The following KCNMA1 variants were observed in gnomAD, a reference collection of about 807,000 sequenced individuals.
KCNMA1 encodes the protein potassium calcium-activated channel subfamily M alpha 1, also known as Calcium-activated potassium channel subunit alpha-1.
Under a neutral mutation model 140.0 loss-of-function variants are expected in KCNMA1, and 29 were observed. That is an observed-to-expected ratio of 0.21 (90% CI 0.15 to 0.28). The LOEUF (loss-of-function observed/expected upper bound fraction) is 0.28, where lower values mean the gene tolerates loss of function less well. Ranked by LOEUF, KCNMA1 falls within the 10% of genes least tolerant of loss-of-function variation. The pLI is 1.00. For synonymous variants in KCNMA1, 612 were observed against 611.9 expected, an observed-to-expected ratio of 1.00 and a Z score of 0.00; for missense variants, 880 against 1,602.2, an observed-to-expected ratio of 0.55 and a Z score of 7.70.
At chr10:77,579,354 G>C (rs2154562578) in intron 1 of KCNMA1, among the ~76,000 whole-genome samples, 1 of 152,268 alleles carries the variant, frequency 6.6e-6, no homozygotes, top group Non-Finnish European at 1.5e-5. Flanking sequence ...GCTCAGGTGT[G>C]GGCAAACTTC....
intron 1 of KCNMA1, among the ~76,000 whole-genome samples, chr10:77,622,900 T>C (rs2091753278): frequency 6.6e-6 from 1 of 152,232 alleles, no homozygotes; most frequent in Non-Finnish European, 1.5e-5. Flanking sequence ...TGCTGTTTTC[T>C]AAAACCAGTG....
intron 1 of KCNMA1, among the ~76,000 whole-genome samples, chr10:77,604,882 C>T (rs2083874372): frequency 1.3e-5 from 2 of 152,034 alleles, no homozygotes; most frequent in South Asian, 4.1e-4. Flanking sequence ...CCTGCCTCCA[C>T]CCTCCCCCAC....
At chr10:77,545,017 C>G (rs945695060) in intron 1 of KCNMA1, among the ~76,000 whole-genome samples, 1 of 152,052 alleles carries the variant, frequency 6.6e-6, no homozygotes, top group African/African-American at 2.4e-5. Flanking sequence ...CAAAATGTAC[C>G]GAGAAGAGAG....
intron 25 of KCNMA1, among the ~76,000 whole-genome samples, chr10:76,897,836 T>C (rs2043250178): frequency 6.6e-6 from 1 of 151,610 alleles, no homozygotes; most frequent in Non-Finnish European, 1.5e-5. Flanking sequence ...GAGATAGAGA[T>C]GATGATGGAA....
chr10:77,452,289 T>C (rs995297401), intron 1 of KCNMA1, among the ~76,000 whole-genome samples: 2 of 152,102 alleles, frequency 1.3e-5, no homozygotes, highest in Non-Finnish European at 2.9e-5. Flanking sequence ...ATGATCACAT[T>C]TGAGTTACAT....
chr10:77,099,865 CT>C (rs1034051828), intron 9 of KCNMA1, among the ~76,000 whole-genome samples: 1 of 152,190 alleles, frequency 6.6e-6, no homozygotes, highest in Non-Finnish European at 1.5e-5. Flanking sequence ...TTCTGCACCC[CT>C]CTTTTACTGG....
intron 2 of KCNMA1, among the ~76,000 whole-genome samples, chr10:77,311,261 T>C (rs956956783): frequency 6.6e-5 from 10 of 152,158 alleles, no homozygotes; most frequent in African/African-American, 2.4e-4. Context: ...CCCTGGCAAA[T>C]ACAGTGGTGG....
intron 19 of KCNMA1, 189 bp from the exon 20 acceptor site, chr10:76,970,256 C>A: frequency 1.7e-6 from 1 of 601,340 alleles, no homozygotes; most frequent in Non-Finnish European, 3.1e-6. Context: ...GTGAAGGCAA[C>A]ACCTCTTTAC....
chr10:77,484,832 C>A (rs2098442975), intron 1 of KCNMA1, among the ~76,000 whole-genome samples: 1 of 152,214 alleles, frequency 6.6e-6, no homozygotes, highest in African/African-American at 2.4e-5. Flanking sequence ...ACTTTGAGAA[C>A]CTCTGCTCTG....
intron 6 of KCNMA1, among the ~76,000 whole-genome samples, chr10:77,114,310 C>T (rs900238007): frequency 6.6e-6 from 1 of 152,162 alleles, no homozygotes; most frequent in Non-Finnish European, 1.5e-5. Context: ...ATAGCAGACC[C>T]GTGACTCTGC....
chr10:76,976,586 A>C (rs765982535), intron 19 of KCNMA1, among the ~76,000 whole-genome samples: 13 of 152,050 alleles, frequency 8.5e-5, no homozygotes, highest in Non-Finnish European at 1.8e-4. Flanking sequence ...CCTCAACCCC[A>C]ATCTCAAACT....
chr10:77,419,299 G>A (rs796364587), intron 1 of KCNMA1, among the ~76,000 whole-genome samples: 13 of 152,298 alleles, frequency 8.5e-5, no homozygotes, highest in African/African-American at 2.4e-4. Context: ...CTTTGCTGGC[G>A]TCTTGGAAAG....
At chr10:77,193,995 G>A (rs1598404386) in intron 3 of KCNMA1, among the ~76,000 whole-genome samples, 3 of 152,042 alleles carry the variant, frequency 2.0e-5, no homozygotes, top group South Asian at 4.2e-4. Context: ...TGCCACCTAT[G>A]TGCTAGGAGG....
chr10:77,236,994 G>A (rs1295971264), intron 3 of KCNMA1, among the ~76,000 whole-genome samples: 1 of 152,274 alleles, frequency 6.6e-6, no homozygotes, highest in African/African-American at 2.4e-5. Flanking sequence ...CCATGAATGA[G>A]TTGAGATTGC....
intron 1 of KCNMA1, among the ~76,000 whole-genome samples, chr10:77,454,450 A>G (rs2097721664): frequency 6.6e-6 from 1 of 152,234 alleles, no homozygotes; most frequent in Non-Finnish European, 1.5e-5. Context: ...TTTCCCAAGC[A>G]GTGATACTCT....
chr10:76,925,947 T>C (rs2057548109), intron 23 of KCNMA1, among the ~76,000 whole-genome samples: 1 of 152,198 alleles, frequency 6.6e-6, no homozygotes, highest in South Asian at 2.1e-4. Context: ...CTCTGAATGG[T>C]TCTAGAGACA....
At chr10:77,458,532 GAGA>G in intron 1 of KCNMA1, among the ~76,000 whole-genome samples, 1 of 152,350 alleles carries the variant, frequency 6.6e-6, no homozygotes. Context: ...ATGCATGGTA[GAGA>G]TTTCAGTGCA....
intron 1 of KCNMA1, among the ~76,000 whole-genome samples, chr10:77,574,782 G>A (rs1204067970): frequency 6.6e-6 from 1 of 152,234 alleles, no homozygotes; most frequent in Non-Finnish European, 1.5e-5. Flanking sequence ...TACTTTGAAT[G>A]GTGCACCCAA....
intron 25 of KCNMA1, among the ~76,000 whole-genome samples, chr10:76,893,781 A>G (rs140768721): frequency 3.9e-5 from 6 of 152,250 alleles, no homozygotes; most frequent in Admixed American, 1.3e-4. Context: ...AATATATTGA[A>G]GGAGGAACAA....
Sources: gnomAD v4.1 joint callset for allele counts (sites outside exome capture counted in the v4.1 genomes callset) on GRCh38, gnomAD v4.1.1 for gene constraint, MANE v1.5 for transcripts, NCBI Gene and HGNC (gene_info 2026-07-23, HGNC 2026-07-21) for gene names.